The following PRKD3 variants were observed in gnomAD, a reference collection of about 807,000 sequenced individuals.
PRKD3 encodes protein kinase D3.
In PRKD3, 47 loss-of-function variants were observed where a neutral mutation model predicts 99.2. That is an observed-to-expected ratio of 0.47 (90% CI 0.38 to 0.60). The LOEUF is 0.60. Among genes scored for constraint, PRKD3 ranks in the 20% least tolerant of loss-of-function variants. The pLI, the probability that PRKD3 is intolerant of heterozygous loss-of-function variation, is 0.00. For missense variants in PRKD3, 1,019 were observed against 1,088.4 expected (o/e 0.94, Z 0.90); for synonymous variants, 392 against 355.4 (o/e 1.10, Z -1.16).
intron 2 of PRKD3, among the ~76,000 whole-genome samples, chr2:37,300,047 A>G (rs1003080994): frequency 6.6e-6 from 1 of 152,196 alleles, no homozygotes; most frequent in Non-Finnish European, 1.5e-5. Flanking sequence ...AGAAACCAAG[A>G]TATCAAAAAG....
intron 14 of PRKD3, among the ~76,000 whole-genome samples, chr2:37,261,762 A>T (rs1668476978): frequency 2.7e-5 from 4 of 150,818 alleles, no homozygotes; most frequent in Non-Finnish European, 4.4e-5. Context: ...CCTGGGCAAC[A>T]AGAGCAAAAC....
At chr2:37,259,529 G>T in intron 16 of PRKD3, 54 bp downstream of exon 16, 1 of 1,366,130 alleles carries the variant, frequency 7.3e-7, no homozygotes, top group Non-Finnish European at 1.0e-6. Context: ...TTATTATGTG[G>T]GTGCTTTGAA....
intron 18 of PRKD3, 81 bp from the exon 19 acceptor site, chr2:37,253,431 G>T (rs549121715): frequency 9.3e-5 from 115 of 1,234,480 alleles, no homozygotes; most frequent in Middle Eastern, 6.6e-4. Context: ...GTTTTTTTTT[G>T]TTGTTGTTTA....
At chr2:37,311,202 G>A (rs968133779) in intron 2 of PRKD3, among the ~76,000 whole-genome samples, 1 of 152,100 alleles carries the variant, frequency 6.6e-6, no homozygotes, top group Admixed American at 6.6e-5. Flanking sequence ...TATTTCTCCA[G>A]GTGAAGTACT....
chr2:37,292,593 G>A (rs376089156), intron 3 of PRKD3, among the ~76,000 whole-genome samples: 11 of 152,062 alleles, frequency 7.2e-5, no homozygotes, highest in Admixed American at 1.3e-4. Context: ...TGATCCGCCC[G>A]CCTCGGCCTC....
intron 16 of PRKD3, among the ~76,000 whole-genome samples, 184 bp downstream of exon 16, chr2:37,259,399 A>C (rs926674495): frequency 6.6e-6 from 1 of 152,250 alleles, no homozygotes; most frequent in Admixed American, 6.5e-5. Flanking sequence ...GAATATAAAC[A>C]GTATAACTAA....
At chr2:37,298,413 T>TA (rs1450133404) in intron 2 of PRKD3, among the ~76,000 whole-genome samples, 2 of 146,370 alleles carry the variant, frequency 1.4e-5, no homozygotes, top group Non-Finnish European at 3.0e-5. Flanking sequence ...ACAAAGTTAT[T>TA]TTTTTTTTTA....
At chr2:37,296,135 C>T (rs530532257) in intron 2 of PRKD3, among the ~76,000 whole-genome samples, 1 of 152,120 alleles carries the variant, frequency 6.6e-6, no homozygotes, top group South Asian at 2.1e-4. Flanking sequence ...CAGAAACTAT[C>T]ATCAATAAAT....
At chr2:37,260,585 G>A (rs547708271) in intron 14 of PRKD3, among the ~76,000 whole-genome samples, 1 of 152,186 alleles carries the variant, frequency 6.6e-6, no homozygotes, top group African/African-American at 2.4e-5. Flanking sequence ...TAGCCGCACT[G>A]AGGGGATAGA....
chr2:37,272,361 A>G lies in PRKD3; in HGVS notation c.1704+19T>C. ...ATTTTAATCACCCAGTTTACACATTAGCTATAACGATTACTTACCACATTC... is the reference window on the plus strand; with the variant it reads ...ATTTTAATCACCCAGTTTACACATTGGCTATAACGATTACTTACCACATTC... On this transcript the variant is annotated intron_variant, in intron 12 of 18. Coordinates refer to ENST00000234179, the MANE Select transcript of PRKD3 (RefSeq NM_005813.6). 3 of 1,601,192 alleles carry G rather than the reference A, an allele frequency of 1.9e-6. No individual in the cohort carries two copies. The highest frequency in any genetic ancestry group is 2.7e-5 in the African/African-American group (2 of 74,164).
chr2:37,285,450 A>G (rs1164045674), intron 6 of PRKD3, among the ~76,000 whole-genome samples: 1 of 152,104 alleles, frequency 6.6e-6, no homozygotes, highest in East Asian at 1.9e-4. Flanking sequence ...AGTAGCTTTT[A>G]TTACGTCCTA....
chr2:37,283,709 G>A (rs1371972713), intron 6 of PRKD3, among the ~76,000 whole-genome samples: 4 of 152,022 alleles, frequency 2.6e-5, no homozygotes, highest in East Asian at 1.9e-4. Flanking sequence ...AACTCAGGCC[G>A]GGTGCAGCGG....
chr2:37,307,905 A>G (rs1009368170), intron 2 of PRKD3, among the ~76,000 whole-genome samples: 1 of 152,208 alleles, frequency 6.6e-6, no homozygotes, highest in African/African-American at 2.4e-5. Flanking sequence ...ATGTTTTGTG[A>G]TATTCTTGTT....
chr2:37,253,696 A>T (rs1471524874), intron 18 of PRKD3, among the ~76,000 whole-genome samples: 1 of 152,162 alleles, frequency 6.6e-6, no homozygotes, highest in East Asian at 1.9e-4. Flanking sequence ...AAGTGCTTGG[A>T]TGCTTATTAG....
In PRKD3 at chr2:37,252,847, T is replaced by TTATATATATATATATATATATA. The variant is rs58356461; in HGVS notation, c.*329_*330insTATATATATATATATATATATA. On this transcript the variant is annotated 3_prime_UTR_variant, in exon 19 of 19. Transcript: ENST00000234179. ...AAAACAAACAAACATATATTTATAT[T>TTATATATATATATATATATATA]TATATATATATATATAAAGAGAAAT... 3.4e-5 allele frequency: 5 copies of TTATATATATATATATATATATA among 145,034 alleles called. No homozygotes were observed. The highest frequency in any genetic ancestry group is 2.8e-4 in the Admixed American group (4 of 14,334). The allele number at this position is 145,034 out of a possible 1,614,324, so 9.0% of individuals were successfully genotyped here. A position where few individuals can be genotyped will look rare whatever the true frequency, so the allele number is the denominator to read the frequency against.
Position 37,279,839 on chromosome 2 carries a change from G to A in PRKD3, c.1079C>T (p.Thr360Ile). The A allele has an allele frequency of 6.2e-7, 1 of 1,613,438 alleles. No homozygotes were observed. The highest frequency in any genetic ancestry group is 8.5e-7 in the Non-Finnish European group (1 of 1,179,622). Residue 360 changes from threonine to isoleucine, a missense_variant, in exon 8 of 19, where the codon ACA becomes ATA. Thr to Ile is a moderately conservative substitution (Grantham distance 89). This residue lies in a region of PRKD3 where 710 missense variants were observed against 692.7 expected (regional missense o/e 1.02). Coordinates refer to ENST00000234179, the MANE Select transcript of PRKD3 (RefSeq NM_005813.6). ...NSDSSRGLDDTEEPSPPEDKM... is the reference protein window; with the variant it reads ...NSDSSRGLDDIEEPSPPEDKM... ...ATCTTCTGGGGGTGATGGCTCTTCTGTGTCATCCAAACCCCGACTACTATC... is the reference window on the plus strand; with the variant it reads ...ATCTTCTGGGGGTGATGGCTCTTCTATGTCATCCAAACCCCGACTACTATC...
intron 14 of PRKD3, among the ~76,000 whole-genome samples, chr2:37,266,563 T>C (rs1668857911): frequency 6.6e-6 from 1 of 151,416 alleles, no homozygotes; most frequent in Admixed American, 6.6e-5. Flanking sequence ...CTTGGCTAAC[T>C]GCAGCCTCCA....
At chr2:37,293,852 G>A (rs1250017433) in intron 2 of PRKD3, among the ~76,000 whole-genome samples, 1 of 151,368 alleles carries the variant, frequency 6.6e-6, no homozygotes, top group Non-Finnish European at 1.5e-5. Context: ...TCTTTGTGAA[G>A]ACCCACCCAC....
intron 2 of PRKD3, among the ~76,000 whole-genome samples, chr2:37,313,396 T>C (rs912027970): frequency 5.3e-5 from 8 of 149,716 alleles, no homozygotes; most frequent in African/African-American, 9.8e-5. Context: ...TATGGAATTA[T>C]ATAATGTAAT....
Sources: allele counts gnomAD v4.1 joint callset (sites outside exome capture counted in the v4.1 genomes callset), GRCh38; gene constraint gnomAD v4.1.1; regional missense constraint gnomAD v4.1.1; transcripts MANE v1.5; gene names NCBI Gene and HGNC (gene_info 2026-07-23, HGNC 2026-07-21).